Variants in PPP1R9A observed in about 807,000 individuals in gnomAD.
The protein encoded by PPP1R9A is neurabin-1.
A neutral mutation model predicts 141.9 loss-of-function variants in PPP1R9A; 59 were observed. The observed-to-expected ratio is 0.42, with a 90% CI of 0.34 to 0.52. The LOEUF (loss-of-function observed/expected upper bound fraction) is 0.52. Among genes scored for constraint, PPP1R9A ranks in the 20% least tolerant of loss-of-function variants. The pLI is 0.10. For missense variants in PPP1R9A, 1,444 were observed against 1,611.9 expected, an observed-to-expected ratio of 0.90 and a Z score of 1.78; for synonymous variants, 500 against 569.7, an observed-to-expected ratio of 0.88 and a Z score of 1.74.
chr7:95,150,594 G>A (rs567949147), intron 4 of PPP1R9A, among the ~76,000 whole-genome samples: 4 of 152,108 alleles, frequency 2.6e-5, no homozygotes, highest in Admixed American at 6.5e-5. Context: ...GAGCCACCGC[G>A]TCCGGCTGGC....
At chr7:95,255,187 G>T (rs900458309) in intron 12 of PPP1R9A, among the ~76,000 whole-genome samples, 3 of 152,024 alleles carry the variant, frequency 2.0e-5, no homozygotes, top group African/African-American at 7.2e-5. Flanking sequence ...GCCAGGATTA[G>T]GATAAAAACA....
chr7:95,247,805 T>G (rs556272873), intron 9 of PPP1R9A, among the ~76,000 whole-genome samples: 2 of 152,292 alleles, frequency 1.3e-5, no homozygotes, highest in South Asian at 4.1e-4. Flanking sequence ...TTTTAATGGT[T>G]CAAGTATGCA....
chr7:94,978,138 T>C (rs1446748381), intron 2 of PPP1R9A, among the ~76,000 whole-genome samples: 2 of 152,174 alleles, frequency 1.3e-5, no homozygotes, highest in Non-Finnish European at 2.9e-5. Context: ...AAGTAGATTG[T>C]GATGCAAAGC....
At chr7:95,131,121 T>C (rs2152525634) in intron 4 of PPP1R9A, among the ~76,000 whole-genome samples, 1 of 152,282 alleles carries the variant, frequency 6.6e-6, no homozygotes, top group South Asian at 2.1e-4. Context: ...CACCCAAATC[T>C]CCTCTTGAAT....
intron 2 of PPP1R9A, among the ~76,000 whole-genome samples, chr7:95,017,887 T>C (rs546859916): frequency 2.6e-5 from 4 of 152,336 alleles, no homozygotes. Flanking sequence ...TGCATTGGCA[T>C]GTTTGTTCTA....
At chr7:95,197,428 T>A (rs942126511) in intron 5 of PPP1R9A, among the ~76,000 whole-genome samples, 1 of 152,198 alleles carries the variant, frequency 6.6e-6, no homozygotes, top group Non-Finnish European at 1.5e-5. Flanking sequence ...CTTTAGGCTT[T>A]TTTTATAGGC....
At chr7:95,109,294 A>G (rs1415961584) in intron 2 of PPP1R9A, among the ~76,000 whole-genome samples, 1 of 152,204 alleles carries the variant, frequency 6.6e-6, no homozygotes, top group Non-Finnish European at 1.5e-5. Context: ...AAAACAAAAT[A>G]GTTGGTATAT....
chr7:95,129,957 TAA>T (rs1265371022), intron 4 of PPP1R9A, among the ~76,000 whole-genome samples: 1 of 152,156 alleles, frequency 6.6e-6, no homozygotes, highest in African/African-American at 2.4e-5. Flanking sequence ...GGAAACAGAA[TAA>T]AAGTTTGGAA....
intron 5 of PPP1R9A, among the ~76,000 whole-genome samples, chr7:95,169,478 G>A (rs1190364984): frequency 1.3e-5 from 2 of 151,820 alleles, no homozygotes; most frequent in East Asian, 1.9e-4. Flanking sequence ...ATGTTCAGTA[G>A]CAGAAAGTTA....
At chr7:94,992,056 G>A (rs1801582951) in intron 2 of PPP1R9A, among the ~76,000 whole-genome samples, 1 of 152,190 alleles carries the variant, frequency 6.6e-6, no homozygotes, top group Admixed American at 6.5e-5. Context: ...TATTTGGTAA[G>A]TTTAAACATA....
chr7:95,052,289 G>A (rs1810928855), intron 2 of PPP1R9A, among the ~76,000 whole-genome samples: 1 of 152,176 alleles, frequency 6.6e-6, no homozygotes, highest in South Asian at 2.1e-4. Context: ...GCAAGAATGA[G>A]AAAGAAGGCA....
Position 94,947,434 on chromosome 7 carries a change from G to A in PPP1R9A, c.1395+35926G>A, listed in dbSNP as rs182910187. Among the ~76,000 whole-genome samples, 5 of 152,276 alleles carry A rather than the reference G, an allele frequency of 3.3e-5. No individual in the cohort carries two copies. The East Asian group carries it at 9.7e-4, about 29-fold the overall frequency. On this transcript the variant is annotated intron_variant, in intron 2 of 19. Transcript: ENST00000433360. ...TCCTGAGCCTAAGTCCTAGCTACAA[G>A]GAAGGTTGAGCAGAGCCGTATGTGG...
intron 2 of PPP1R9A, among the ~76,000 whole-genome samples, chr7:94,939,775 T>C (rs1452996217): frequency 6.8e-6 from 1 of 146,140 alleles, no homozygotes; most frequent in East Asian, 2.0e-4. Flanking sequence ...ATTATATATA[T>C]ATATATATGT....
Position 95,120,749 on chromosome 7 carries a change from T to A in PPP1R9A, c.1566T>A (p.Gly522=). ...TTGGTATAAGTATTATTGGAATGGG[T>A]GTTGGAGCAGATGCTGGACTTGAAA... is the stretch of plus-strand genomic sequence containing the variant. ...DGLGISIIGM[G]VGADAGLEKL... Residue 522 remains glycine (G), a synonymous_variant, in exon 4 of 20, where the codon GGT becomes GGA. Coordinates refer to ENST00000433360, the MANE Select transcript of PPP1R9A (RefSeq NM_001166160.2). 1 of 1,614,030 alleles carries A rather than the reference T, an allele frequency of 6.2e-7. No homozygotes were observed. The highest frequency in any genetic ancestry group is 8.5e-7 in the Non-Finnish European group (1 of 1,179,920).
rs189971758 is a variant in PPP1R9A at position 95,143,503 on chromosome 7, A to T, written c.1650-18364A>T. Among the ~76,000 whole-genome samples the T allele has an allele frequency of 1.4e-3, 208 of 152,242 alleles. 6 individuals carry two copies. The South Asian group carries it at 0.025, about 19-fold the overall frequency. On this transcript the variant is annotated intron_variant, in intron 4 of 19. Transcript: ENST00000433360. The stretch of plus-strand genomic sequence containing the variant: ...GTACCCCCAGGTAATTCTGATATAG[A>T]TGGTTAGAGGAACTCTGCTTTCGAG...
At chr7:95,143,402 A>G (rs920468655) in intron 4 of PPP1R9A, among the ~76,000 whole-genome samples, 4 of 152,150 alleles carry the variant, frequency 2.6e-5, no homozygotes, top group African/African-American at 7.2e-5. Context: ...AGATATCATA[A>G]GACCATAGAT....
At chr7:95,094,739 G>A (rs868391891) in intron 2 of PPP1R9A, among the ~76,000 whole-genome samples, 3 of 151,878 alleles carry the variant, frequency 2.0e-5, no homozygotes, top group African/African-American at 4.8e-5. Context: ...AATTAGCCGG[G>A]CATGGTGGCA....
chr7:95,005,077 G>A (rs1803414543), intron 2 of PPP1R9A, among the ~76,000 whole-genome samples: 1 of 152,090 alleles, frequency 6.6e-6, no homozygotes, highest in Non-Finnish European at 1.5e-5. Flanking sequence ...TTTGTTGGTT[G>A]GGTGCCAGGC....
rs113878432 is a variant in PPP1R9A at position 95,007,782 on chromosome 7, C to T, written c.1395+96274C>T. Among the ~76,000 whole-genome samples, 763 of 152,050 alleles carry T rather than the reference C, an allele frequency of 5.0e-3. 6 individuals are homozygous for T. The highest frequency in any genetic ancestry group is 0.017 in the African/African-American group (715 of 41,512). On this transcript the variant is annotated intron_variant, in intron 2 of 19. Transcript: ENST00000433360. ...TGTGGCTGTTACAAAGTTATAGAAA[C>T]GAAGCTTTGTCAGGCGTGGTGGCTC...
Sources: allele counts gnomAD v4.1 joint callset (sites outside exome capture counted in the v4.1 genomes callset), GRCh38; gene constraint gnomAD v4.1.1; transcripts MANE v1.5; gene names NCBI Gene and HGNC (gene_info 2026-07-23, HGNC 2026-07-21).